Variants in PLXDC2 observed in about 807,000 individuals in gnomAD.
PLXDC2 encodes the protein plexin domain-containing protein 2.
A neutral mutation model predicts 68.9 loss-of-function variants in PLXDC2; 40 were observed. That is an observed-to-expected ratio of 0.58 (90% CI 0.45 to 0.76). PLXDC2 has a LOEUF of 0.76. PLXDC2 is among the 30% of genes least tolerant of loss of function. The pLI is 0.00. For synonymous variants in PLXDC2, 243 were observed against 234.2 expected, an observed-to-expected ratio of 1.04 and a Z score of -0.34; for missense variants, 644 against 661.9, an observed-to-expected ratio of 0.97 and a Z score of 0.30.
In PLXDC2 at chr10:19,897,168, AATG is replaced by A. The variant is rs528952975; in HGVS notation, c.112+79980_112+79982del. Among the ~76,000 whole-genome samples, 20 of 151,746 alleles carry A rather than the reference AATG, an allele frequency of 1.3e-4. No individual in the cohort carries two copies. The South Asian group carries it at 3.5e-3, about 27-fold the overall frequency. ...TGTTTAAAGAGCCTCTGTATTTCAG[AATG>A]ATATGAGTCTGTTTCTTTTCTCCAT... On this transcript the variant is annotated intron_variant, in intron 1 of 13. Transcript: ENST00000377252.
intron 5 of PLXDC2, among the ~76,000 whole-genome samples, chr10:20,145,693 G>T (rs1334217588): frequency 1.3e-5 from 2 of 152,020 alleles, no homozygotes; most frequent in Non-Finnish European, 2.9e-5. Flanking sequence ...GGGACTACAG[G>T]CGCCCACCAC....
chr10:20,009,913 G>C (rs1169023633), intron 2 of PLXDC2, among the ~76,000 whole-genome samples: 1 of 151,928 alleles, frequency 6.6e-6, no homozygotes, highest in Non-Finnish European at 1.5e-5. Context: ...AACTGAATCA[G>C]AAATCCCAAA....
intron 4 of PLXDC2, among the ~76,000 whole-genome samples, chr10:20,113,250 C>T (rs1833581233): frequency 6.6e-6 from 1 of 152,184 alleles, no homozygotes; most frequent in Non-Finnish European, 1.5e-5. Context: ...GTATGGGTTA[C>T]AGAAATTGGG....
rs34167804 is a variant in PLXDC2 at position 20,089,169 on chromosome 10, CGTGTGTGTGTGT to C, written c.541+20965_541+20976del. On this transcript the variant is annotated intron_variant, in intron 4 of 13. Transcript: ENST00000377252. Reference sequence around the variant, plus strand: ...TAAATTAAAAAAAAACCTGTATATACGTGTGTGTGTGTGTGTGTGTGTGTGTGTGTGTGTGTG... The same window carrying C: ...TAAATTAAAAAAAAACCTGTATATACGTGTGTGTGTGTGTGTGTGTGTGTG... 2.9e-3 allele frequency among the ~76,000 whole-genome samples: 417 copies of C among 142,676 alleles called. 2 individuals are homozygous for C. The highest frequency in any genetic ancestry group is 7.8e-3 in the African/African-American group (311 of 40,038). The allele number at this position is 142,676 out of a possible 152,430, so 93.6% of individuals were successfully genotyped here.
chr10:19,940,967 T>G (rs1589547670), intron 1 of PLXDC2, among the ~76,000 whole-genome samples: 1 of 152,324 alleles, frequency 6.6e-6, no homozygotes, highest in East Asian at 1.9e-4. Flanking sequence ...CTAAAGAATT[T>G]CAGGGTGAGA....
chr10:20,215,536 C>G (rs1835125169), intron 10 of PLXDC2, among the ~76,000 whole-genome samples: 2 of 152,102 alleles, frequency 1.3e-5, no homozygotes, highest in Admixed American at 1.3e-4. Flanking sequence ...TAAGATTAGG[C>G]ATGCTTGTGT....
At chr10:19,873,928 T>A (rs1483279538) in intron 1 of PLXDC2, among the ~76,000 whole-genome samples, 1 of 152,134 alleles carries the variant, frequency 6.6e-6, no homozygotes, top group African/African-American at 2.4e-5. Context: ...CATAAATGAT[T>A]TGTGAGGTTT....
intron 1 of PLXDC2, among the ~76,000 whole-genome samples, chr10:19,848,415 T>C (rs1837053552): frequency 6.6e-6 from 1 of 152,138 alleles, no homozygotes; most frequent in African/African-American, 2.4e-5. Flanking sequence ...AGGGACTCTA[T>C]CTGTTGGTGA....
chr10:20,228,940 T>A (rs188552817), intron 12 of PLXDC2, among the ~76,000 whole-genome samples: 141 of 152,258 alleles, frequency 9.3e-4, no homozygotes, highest in Non-Finnish European at 1.7e-3. Flanking sequence ...CTGGATTGCA[T>A]AACAGTCCAC....
intron 4 of PLXDC2, among the ~76,000 whole-genome samples, chr10:20,127,886 G>A (rs1230909469): frequency 1.3e-5 from 2 of 152,182 alleles, no homozygotes. Context: ...GGGCATTATG[G>A]TTGAAGTGAA....
intron 1 of PLXDC2, among the ~76,000 whole-genome samples, chr10:19,988,011 C>A (rs1445301985): frequency 1.3e-5 from 2 of 152,140 alleles, no homozygotes; most frequent in Non-Finnish European, 2.9e-5. Flanking sequence ...TAGACTCTTA[C>A]CACCAAATAA....
intron 1 of PLXDC2, among the ~76,000 whole-genome samples, chr10:19,873,057 TCGGTACAGGTTCA>T (rs1375968721): frequency 6.6e-6 from 1 of 152,124 alleles, no homozygotes; most frequent in Non-Finnish European, 1.5e-5. Context: ...AGCAAAACGG[TCGGTACAGGTTCA>T]AAACAAGGGT....
At chr10:20,126,330 T>C (rs190879444) in intron 4 of PLXDC2, among the ~76,000 whole-genome samples, 3,101 of 103,570 alleles carry the variant, frequency 0.03, 146 homozygotes, top group East Asian at 0.13. Context: ...TATATACATA[T>C]ACGTTATATA....
chr10:19,849,716 A>G (rs182204665), intron 1 of PLXDC2, among the ~76,000 whole-genome samples: 2 of 152,276 alleles, frequency 1.3e-5, no homozygotes, highest in East Asian at 3.9e-4. Flanking sequence ...TCTTTGATAA[A>G]TTACTCAGTC....
At chr10:20,215,372 T>C (rs753968402) in intron 10 of PLXDC2, among the ~76,000 whole-genome samples, 2 of 152,100 alleles carry the variant, frequency 1.3e-5, no homozygotes, top group Non-Finnish European at 2.9e-5. Flanking sequence ...GCTGGGAGTC[T>C]GAGAAGACCA....
At chr10:19,907,971 A>G (rs184259445) in intron 1 of PLXDC2, among the ~76,000 whole-genome samples, 3 of 152,336 alleles carry the variant, frequency 2.0e-5, no homozygotes, top group East Asian at 1.9e-4. Flanking sequence ...TCATGCTTCA[A>G]AATCTTTCAT....
chr10:20,132,516 A>G (rs1833880625), intron 4 of PLXDC2, among the ~76,000 whole-genome samples: 1 of 152,104 alleles, frequency 6.6e-6, no homozygotes, highest in Admixed American at 6.5e-5. Context: ...TTTGCTTTAT[A>G]TATTTATGTT....
intron 2 of PLXDC2, chr10:20,043,220 A>AT (rs1835715407): frequency 6.6e-6 from 1 of 152,176 alleles, no homozygotes; most frequent in Non-Finnish European, 1.5e-5. Flanking sequence ...TAAACAATAA[A>AT]TTGTCTTCCT....
intron 1 of PLXDC2, among the ~76,000 whole-genome samples, chr10:19,930,628 A>G (rs1833612107): frequency 1.3e-5 from 2 of 152,116 alleles, no homozygotes; most frequent in African/African-American, 4.8e-5. Flanking sequence ...AGATTGCTAA[A>G]CCACCTAAAA....
Sources: allele counts gnomAD v4.1 joint callset (sites outside exome capture counted in the v4.1 genomes callset), GRCh38; gene constraint gnomAD v4.1.1; transcripts MANE v1.5; gene names NCBI Gene and HGNC (gene_info 2026-07-23, HGNC 2026-07-21).